The following TASP1 variants were observed in gnomAD, a reference collection of about 807,000 sequenced individuals.
The protein encoded by TASP1 is taspase 1.
In TASP1, 16 loss-of-function variants were observed where a neutral mutation model predicts 56.6. That is an observed-to-expected ratio of 0.28 (90% CI 0.19 to 0.43). TASP1 has a LOEUF of 0.43. TASP1 is among the 20% of genes least tolerant of loss of function. The pLI, the probability that TASP1 is intolerant of heterozygous loss-of-function variation, is 1.00. For missense variants in TASP1, 393 were observed against 511.6 expected (o/e 0.77, Z 2.24); for synonymous variants, 179 against 184.2 (o/e 0.97, Z 0.23).
chr20:13,603,920 C>T (rs926073500), intron 4 of TASP1, among the ~76,000 whole-genome samples: 2 of 152,044 alleles, frequency 1.3e-5, no homozygotes, highest in African/African-American at 2.4e-5. Flanking sequence ...ATCTGGTCAC[C>T]CTCAATATTT....
the TASP1 span, among the ~76,000 whole-genome samples, chr20:13,148,877 AT>A: frequency 7.2e-5 from 11 of 152,216 alleles, no homozygotes; most frequent in Non-Finnish European, 1.3e-4. Context: ...GAAAATGGCA[AT>A]TCCCCTTTCA....
the TASP1 span, among the ~76,000 whole-genome samples, chr20:13,217,063 C>T: frequency 3.6e-3 from 555 of 152,296 alleles, 6 homozygotes; most frequent in African/African-American, 0.013. Context: ...ACCCAGAAAA[C>T]GTCTCTGGCT....
the TASP1 span, among the ~76,000 whole-genome samples, chr20:13,344,166 T>C: frequency 6.6e-6 from 1 of 152,062 alleles, no homozygotes; most frequent in Admixed American, 6.5e-5. Flanking sequence ...CATCCTGATA[T>C]GGGGAGAAGC....
At chr20:13,357,301 C>A in the TASP1 span, among the ~76,000 whole-genome samples, 31,356 of 150,862 alleles carry the variant, frequency 0.21, 3,920 homozygotes, top group African/African-American at 0.36. Context: ...CTGTTCCAAC[C>A]CAAAGGAACA....
intron 8 of TASP1, among the ~76,000 whole-genome samples, chr20:13,550,996 A>G (rs924636622): frequency 3.3e-5 from 5 of 152,178 alleles, no homozygotes; most frequent in Non-Finnish European, 5.9e-5. Context: ...GGTGGATAAA[A>G]GGGAAAAATG....
chr20:13,446,623 C>A (rs765332724), intron 11 of TASP1, among the ~76,000 whole-genome samples: 3 of 152,142 alleles, frequency 2.0e-5, no homozygotes, highest in African/African-American at 7.2e-5. Flanking sequence ...ATTTTCAATG[C>A]CCTATATTCA....
At chr20:13,480,938 T>C (rs558309498) in intron 11 of TASP1, among the ~76,000 whole-genome samples, 1 of 151,402 alleles carries the variant, frequency 6.6e-6, no homozygotes, top group Non-Finnish European at 1.5e-5. Flanking sequence ...CAAGCATTTG[T>C]CCTTTGTGTT....
chr20:13,305,215 A>C, the TASP1 span, among the ~76,000 whole-genome samples: 3 of 151,636 alleles, frequency 2.0e-5, no homozygotes, highest in African/African-American at 7.3e-5. Context: ...AAAAAAAAAA[A>C]AAAACCCTTA....
chr20:13,312,849 G>C, the TASP1 span, among the ~76,000 whole-genome samples: 2 of 152,014 alleles, frequency 1.3e-5, no homozygotes, highest in African/African-American at 4.8e-5. Context: ...TTTAAACCTG[G>C]GTATGTCTGA....
chr20:13,214,960 G>T, the TASP1 span, among the ~76,000 whole-genome samples: 1 of 152,174 alleles, frequency 6.6e-6, no homozygotes, highest in Non-Finnish European at 1.5e-5. Context: ...TCAAATGTAT[G>T]GTGAGAGAAG....
the TASP1 span, among the ~76,000 whole-genome samples, chr20:13,259,259 C>T: frequency 9.5e-3 from 1,421 of 148,980 alleles, 13 homozygotes; most frequent in Middle Eastern, 0.021. Context: ...CCAGCCTGGG[C>T]GACAGAGTGA....
chr20:13,540,982 T>C (rs1314320803), intron 8 of TASP1, among the ~76,000 whole-genome samples: 1 of 152,082 alleles, frequency 6.6e-6, no homozygotes, highest in African/African-American at 2.4e-5. Flanking sequence ...CCTATTGGCA[T>C]AAGGCATATT....
the TASP1 span, among the ~76,000 whole-genome samples, chr20:13,214,586 G>GAGAC: frequency 6.1e-3 from 908 of 149,132 alleles, 7 homozygotes; most frequent in Non-Finnish European, 9.8e-3. Flanking sequence ...GAGAGAGAGA[G>GAGAC]AGACAGAAAG....
At chr20:13,346,022 C>T in the TASP1 span, among the ~76,000 whole-genome samples, 2 of 151,170 alleles carry the variant, frequency 1.3e-5, no homozygotes, top group Non-Finnish European at 2.9e-5. Context: ...GCCCATTTGA[C>T]AGGGGCCATG....
the TASP1 span, chr20:13,244,304 C>G: frequency 7.1e-6 from 1 of 141,628 alleles, no homozygotes; most frequent in African/African-American, 2.7e-5. Flanking sequence ...AGGGGACTCT[C>G]TCGACACTAA....
chr20:13,445,502 A>G (rs1274303088), intron 11 of TASP1, among the ~76,000 whole-genome samples: 1 of 152,114 alleles, frequency 6.6e-6, no homozygotes, highest in Non-Finnish European at 1.5e-5. Flanking sequence ...CCACAAACCC[A>G]TCATCCAGCA....
chr20:13,159,343 T>C, the TASP1 span, among the ~76,000 whole-genome samples: 1 of 152,162 alleles, frequency 6.6e-6, no homozygotes, highest in Admixed American at 6.5e-5. Context: ...AGTTGCTGAG[T>C]TTATTATCCC....
chr20:13,416,628 C>G (rs1299380381), intron 13 of TASP1, among the ~76,000 whole-genome samples: 1 of 152,114 alleles, frequency 6.6e-6, no homozygotes, highest in Non-Finnish European at 1.5e-5. Context: ...TCAAAATGTG[C>G]AAAATAAATC....
chr20:13,549,466 G>T lies in TASP1; in HGVS notation c.675+9542C>A, dbSNP rs560798177. ...TGTGTGTGTGTGTACACACACATTTGGTTTTTTTAATGCACTCATTTATTC... is the reference window on the plus strand; with the variant it reads ...TGTGTGTGTGTGTACACACACATTTTGTTTTTTTAATGCACTCATTTATTC... On this transcript the variant is annotated intron_variant, in intron 8 of 13. Coordinates refer to ENST00000337743, the MANE Select transcript of TASP1 (RefSeq NM_017714.3). Among the ~76,000 whole-genome samples the T allele has an allele frequency of 1.8e-4, 27 of 151,646 alleles. 1 individual carries two copies. The South Asian group carries it at 4.2e-3, about 23-fold the overall frequency.
Sources: allele counts gnomAD v4.1 joint callset (sites outside exome capture counted in the v4.1 genomes callset), GRCh38; gene constraint gnomAD v4.1.1; transcripts MANE v1.5; gene names NCBI Gene and HGNC (gene_info 2026-07-23, HGNC 2026-07-21).